The following GABRB3 variants were observed in gnomAD, a reference collection of about 807,000 sequenced individuals.
GABRB3 encodes gamma-aminobutyric acid type A receptor subunit beta3.
GABRB3 carries 14 observed loss-of-function variants against 52.1 expected under a neutral mutation model. The ratio of observed to expected loss-of-function variants is 0.27; its 90% confidence interval spans 0.18 to 0.42. GABRB3 has a LOEUF of 0.42. Among genes scored for constraint, GABRB3 ranks in the 10% least tolerant of loss-of-function variants. GABRB3 has a pLI of 1.00. For synonymous variants in GABRB3, 260 were observed against 232.3 expected, an observed-to-expected ratio of 1.12 and a Z score of -1.08; for missense variants, 307 against 609.1, an observed-to-expected ratio of 0.50 and a Z score of 5.22.
intron 3 of GABRB3, among the ~76,000 whole-genome samples, chr15:26,681,519 T>C (rs1490990020): frequency 6.6e-6 from 1 of 152,210 alleles, no homozygotes; most frequent in East Asian, 1.9e-4. Context: ...CAACGGGCTA[T>C]GGATTCCTGT....
chr15:26,573,612 G>A (rs1489607823), intron 6 of GABRB3, among the ~76,000 whole-genome samples: 1 of 152,146 alleles, frequency 6.6e-6, no homozygotes, highest in African/African-American at 2.4e-5. Context: ...ATCAAGGCAA[G>A]AACACCATAA....
chr15:26,672,008 T>C (rs1785338135), intron 3 of GABRB3, among the ~76,000 whole-genome samples: 1 of 152,206 alleles, frequency 6.6e-6, no homozygotes, highest in Non-Finnish European at 1.5e-5. Flanking sequence ...CAATGGGTCA[T>C]ACCGAGAAAA....
chr15:26,710,883 G>A (rs1253742924), intron 3 of GABRB3, among the ~76,000 whole-genome samples: 1 of 151,012 alleles, frequency 6.6e-6, no homozygotes, highest in Non-Finnish European at 1.5e-5. Flanking sequence ...TTTTCTTAAT[G>A]AATAACACTT....
intron 4 of GABRB3, among the ~76,000 whole-genome samples, chr15:26,585,370 C>G (rs934517659): frequency 1.3e-5 from 2 of 152,130 alleles, no homozygotes; most frequent in African/African-American, 4.8e-5. Context: ...CACAACAAAC[C>G]TACTAATGCT....
chr15:26,579,844 A>G (rs8026663), intron 6 of GABRB3, among the ~76,000 whole-genome samples: 1,618 of 152,262 alleles, frequency 0.011, 34 homozygotes, highest in African/African-American at 0.037. Flanking sequence ...GAAGATGACC[A>G]TGTCTAATGG....
chr15:26,682,206 T>A, intron 3 of GABRB3, among the ~76,000 whole-genome samples: 1 of 152,260 alleles, frequency 6.6e-6, no homozygotes, highest in East Asian at 1.9e-4. Context: ...CACAGGCAAC[T>A]CTACTTTCCC....
chr15:26,712,859 G>GTGCAGGGAAGC (rs1185160769), intron 3 of GABRB3, among the ~76,000 whole-genome samples: 1 of 152,198 alleles, frequency 6.6e-6, no homozygotes, highest in East Asian at 1.9e-4. Context: ...CTGAGGAGAT[G>GTGCAGGGAAGC]TGCAGGGAAG....
At chr15:26,711,048 T>C (rs537999688) in intron 3 of GABRB3, among the ~76,000 whole-genome samples, 1 of 152,272 alleles carries the variant, frequency 6.6e-6, no homozygotes, top group African/African-American at 2.4e-5. Context: ...TTTTTTGGTG[T>C]TTTCTATCAA....
At chr15:26,747,265 A>G (rs543242008) in intron 3 of GABRB3, among the ~76,000 whole-genome samples, 272 of 152,262 alleles carry the variant, frequency 1.8e-3, no homozygotes, top group African/African-American at 6.3e-3. Flanking sequence ...GTGTACAAAA[A>G]TCCTTGCTGG....
At chr15:26,692,699 T>A (rs1721404270) in intron 3 of GABRB3, among the ~76,000 whole-genome samples, 2 of 152,178 alleles carry the variant, frequency 1.3e-5, no homozygotes, top group Non-Finnish European at 2.9e-5. Flanking sequence ...CAAGTCTACA[T>A]GTGATAATCC....
intron 5 of GABRB3, among the ~76,000 whole-genome samples, chr15:26,581,970 T>G (rs1427586431): frequency 6.6e-6 from 1 of 152,198 alleles, no homozygotes; most frequent in African/African-American, 2.4e-5. Context: ...TAAGTATTTG[T>G]TGGATAAACT....
intron 3 of GABRB3, among the ~76,000 whole-genome samples, chr15:26,692,750 C>T (rs969568938): frequency 2.0e-5 from 3 of 152,076 alleles, no homozygotes; most frequent in South Asian, 2.1e-4. Flanking sequence ...AAATCTTTTT[C>T]GTATTATTTA....
At chr15:26,766,027 A>G (rs1348886658) in intron 3 of GABRB3, among the ~76,000 whole-genome samples, 1 of 152,206 alleles carries the variant, frequency 6.6e-6, no homozygotes, top group Non-Finnish European at 1.5e-5. Context: ...CACCTCTATT[A>G]CCTACCTCAC....
chr15:26,773,124 G>T, upstream of GABRB3: 2 of 625,600 alleles, frequency 3.2e-6, no homozygotes, highest in Non-Finnish European at 4.1e-6. Context: ...CGGGCGCTGG[G>T]AGAGGAAGGA....
chr15:26,731,033 C>G (rs1382946337), intron 3 of GABRB3, among the ~76,000 whole-genome samples: 1 of 151,136 alleles, frequency 6.6e-6, no homozygotes, highest in Non-Finnish European at 1.5e-5. Flanking sequence ...TTCAGCAACA[C>G]CAGTATTAAT....
Position 26,772,530 on chromosome 15 carries a change from G to A in GABRB3, c.173-61C>T. The A allele has an allele frequency of 5.8e-6, 9 of 1,552,628 alleles. No individual in the cohort carries two copies. The South Asian group carries it at 8.2e-5, about 14-fold the overall frequency. ...TCCGGCGCGGGGCGCGGGCGGCTCT[G>A]AGGACTGGGGGCTATCCCAGGAGGG... On this transcript the variant is annotated intron_variant, in intron 2 of 8. Transcript: ENST00000311550.
chr15:26,626,272 C>A (rs1892688520), intron 3 of GABRB3, among the ~76,000 whole-genome samples: 2 of 152,288 alleles, frequency 1.3e-5, no homozygotes, highest in South Asian at 4.1e-4. Context: ...GATCTACCAA[C>A]TGACCCTTAA....
intron 3 of GABRB3, among the ~76,000 whole-genome samples, chr15:26,708,283 C>A (rs1415368121): frequency 1.3e-5 from 2 of 152,116 alleles, no homozygotes; most frequent in Non-Finnish European, 2.9e-5. Context: ...AGTTGGCTCC[C>A]TAAGAAATGA....
rs1887659370 is a variant in GABRB3 at position 26,664,819 on chromosome 15, G to T, written c.241-43285C>A. On this transcript the variant is annotated intron_variant, in intron 3 of 8. Transcript: ENST00000311550. ...CTGCCACCTCCTGGGTTCAAGCTCA[G>T]CCTCCCAAGTAGCTGGGGTTACAGG... 2.1e-5 allele frequency among the ~76,000 whole-genome samples: 3 copies of T among 146,088 alleles called. No homozygotes were observed. In the South Asian group the frequency reaches 6.6e-4, roughly 32 times the overall value.
Sources: gnomAD v4.1 joint callset for allele counts (sites outside exome capture counted in the v4.1 genomes callset) on GRCh38, gnomAD v4.1.1 for gene constraint, MANE v1.5 for transcripts, NCBI Gene and HGNC (gene_info 2026-07-23, HGNC 2026-07-21) for gene names.